Variants in RPS6KC1 observed in about 807,000 individuals in gnomAD.
The protein encoded by RPS6KC1 is ribosomal protein S6 kinase C1.
RPS6KC1 carries 54 observed loss-of-function variants against 103.8 expected under a neutral mutation model. That is an observed-to-expected ratio of 0.52 (90% CI 0.42 to 0.65). The LOEUF (loss-of-function observed/expected upper bound fraction) is 0.65, where lower values mean the gene tolerates loss of function less well. Among genes scored for constraint, RPS6KC1 ranks in the 30% least tolerant of loss-of-function variants. The pLI, the probability that RPS6KC1 is intolerant of heterozygous loss-of-function variation, is 0.00. For missense variants in RPS6KC1, 1,151 were observed against 1,253.8 expected (o/e 0.92, Z 1.24); for synonymous variants, 439 against 438.7 (o/e 1.00, Z -0.01).
chr1:213,176,544 G>A, intron 8 of RPS6KC1, 52 bp downstream of exon 8: 1 of 1,209,116 alleles, frequency 8.3e-7, no homozygotes, highest in Non-Finnish European at 1.2e-6. Flanking sequence ...ACTGCATGCT[G>A]ACATTCTGTC....
chr1:213,745,080 A>G, the RPS6KC1 span, among the ~76,000 whole-genome samples: 1 of 152,230 alleles, frequency 6.6e-6, no homozygotes, highest in Admixed American at 6.5e-5. Flanking sequence ...TTCAGCTAAT[A>G]AGATCCTCTG....
the RPS6KC1 span, among the ~76,000 whole-genome samples, chr1:213,596,020 G>A: frequency 1.3e-5 from 2 of 152,114 alleles, no homozygotes; most frequent in East Asian, 3.9e-4. Flanking sequence ...GAAGTGAAGA[G>A]AGAAAAAGAC....
the RPS6KC1 span, chr1:213,820,561 A>G: frequency 6.6e-6 from 1 of 152,128 alleles, no homozygotes; most frequent in Non-Finnish European, 1.5e-5. Flanking sequence ...GCCTCTAGAA[A>G]CCTGCATTTC....
chr1:213,336,428 G>T, the RPS6KC1 span, among the ~76,000 whole-genome samples: 3 of 152,136 alleles, frequency 2.0e-5, no homozygotes, highest in Non-Finnish European at 2.9e-5. Flanking sequence ...AAGACTGCTG[G>T]GTGCAGAGAG....
chr1:213,320,384 C>A, the RPS6KC1 span, among the ~76,000 whole-genome samples: 87,191 of 152,122 alleles, frequency 0.57, 25,595 homozygotes, highest in East Asian at 0.67. Context: ...TACAGCACTG[C>A]GGGCTTGTTA....
At chr1:213,825,228 C>G in the RPS6KC1 span, among the ~76,000 whole-genome samples, 3 of 152,182 alleles carry the variant, frequency 2.0e-5, no homozygotes, top group African/African-American at 7.2e-5. Flanking sequence ...AGGAATACCC[C>G]CAGGGTCCCC....
chr1:213,590,385 G>A, the RPS6KC1 span, among the ~76,000 whole-genome samples: 2 of 152,146 alleles, frequency 1.3e-5, no homozygotes, highest in African/African-American at 4.8e-5. Flanking sequence ...AGGGGCAGGG[G>A]AATTTCAAGA....
At chr1:213,781,609 G>A in the RPS6KC1 span, among the ~76,000 whole-genome samples, 1 of 152,222 alleles carries the variant, frequency 6.6e-6, no homozygotes, top group African/African-American at 2.4e-5. Flanking sequence ...TTATGGACAT[G>A]TGATGAAATT....
chr1:213,816,361 C>G, the RPS6KC1 span, among the ~76,000 whole-genome samples: 1 of 152,174 alleles, frequency 6.6e-6, no homozygotes, highest in Non-Finnish European at 1.5e-5. Context: ...CAAGGGCATG[C>G]CTATAATTAT....
the RPS6KC1 span, among the ~76,000 whole-genome samples, chr1:213,280,062 T>C: frequency 1.8e-4 from 27 of 152,190 alleles, no homozygotes; most frequent in Admixed American, 1.8e-3. Context: ...TGTTTTGAGT[T>C]TGAAGACATT....
At chr1:213,654,014 T>A in the RPS6KC1 span, among the ~76,000 whole-genome samples, 5 of 152,190 alleles carry the variant, frequency 3.3e-5, no homozygotes, top group Non-Finnish European at 5.9e-5. Context: ...TCTTTCAAAG[T>A]GTATAGACCC....
chr1:213,678,647 T>C, the RPS6KC1 span, among the ~76,000 whole-genome samples: 1 of 152,166 alleles, frequency 6.6e-6, no homozygotes, highest in African/African-American at 2.4e-5. Context: ...TGAGTCAGGG[T>C]TCCCAAGGGT....
At chr1:213,782,515 G>A in the RPS6KC1 span, among the ~76,000 whole-genome samples, 1 of 151,884 alleles carries the variant, frequency 6.6e-6, no homozygotes, top group African/African-American at 2.4e-5. Flanking sequence ...AACATTACTC[G>A]GGACACATAG....
At chr1:213,114,773 A>G (rs1216747672) in intron 4 of RPS6KC1, among the ~76,000 whole-genome samples, 1 of 152,154 alleles carries the variant, frequency 6.6e-6, no homozygotes, top group Non-Finnish European at 1.5e-5. Flanking sequence ...GGGTTGTTGA[A>G]TTTTGTCAAA....
the RPS6KC1 span, among the ~76,000 whole-genome samples, chr1:213,686,222 C>T: frequency 1.3e-5 from 2 of 152,210 alleles, no homozygotes; most frequent in African/African-American, 4.8e-5. Context: ...TTTCTATAGC[C>T]TTTTTGTAGG....
At chr1:213,379,953 G>A in the RPS6KC1 span, among the ~76,000 whole-genome samples, 390 of 152,230 alleles carry the variant, frequency 2.6e-3, 1 homozygote, top group African/African-American at 8.8e-3. Flanking sequence ...AATACCATTC[G>A]ATCCAGTGAT....
chr1:213,764,292 C>T, the RPS6KC1 span, among the ~76,000 whole-genome samples: 3 of 152,134 alleles, frequency 2.0e-5, no homozygotes, highest in Non-Finnish European at 4.4e-5. Flanking sequence ...AAGCCAAGAA[C>T]AGTGGCCCAG....
At chr1:213,051,861 A>G (rs926349425) in intron 1 of RPS6KC1, among the ~76,000 whole-genome samples, 4 of 152,226 alleles carry the variant, frequency 2.6e-5, no homozygotes, top group Non-Finnish European at 4.4e-5. Flanking sequence ...GATAATGCAG[A>G]TTAAAAAGTG....
chr1:213,529,253 G>A, the RPS6KC1 span, among the ~76,000 whole-genome samples: 2 of 152,142 alleles, frequency 1.3e-5, no homozygotes, highest in South Asian at 4.1e-4. Context: ...ACCAGGCAAA[G>A]AAGGAAGAAC....
Sources: gnomAD v4.1 joint callset for allele counts (sites outside exome capture counted in the v4.1 genomes callset) on GRCh38, gnomAD v4.1.1 for gene constraint, MANE v1.5 for transcripts, NCBI Gene and HGNC (gene_info 2026-07-23, HGNC 2026-07-21) for gene names.